GRID2: variants seen among roughly 807,000 people sequenced by gnomAD.
The protein encoded by GRID2 is glutamate ionotropic receptor delta type subunit 2, also known as glutamate receptor ionotropic, delta-2.
In GRID2, 33 loss-of-function variants were observed where a neutral mutation model predicts 114.8. The ratio of observed to expected loss-of-function variants is 0.29; its 90% CI spans 0.22 to 0.38. The LOEUF (loss-of-function observed/expected upper bound fraction) is 0.38, where lower values mean the gene tolerates loss of function less well. Ranked by LOEUF, GRID2 falls within the 10% of genes least tolerant of loss-of-function variation. The probability of loss-of-function intolerance (pLI) is 1.00; values close to 1 mark genes in which losing one functional copy is unlikely to be tolerated. For synonymous variants in GRID2, 505 were observed against 449.9 expected (o/e 1.12, Z -1.55); for missense variants, 1,184 against 1,257.7 (o/e 0.94, Z 0.89).
In GRID2 at chr4:93,404,360, C is replaced by T. The variant is rs147962151; in HGVS notation, c.1347+8652C>T. On this transcript the variant is annotated intron_variant, in intron 9 of 15. Coordinates refer to ENST00000282020, the MANE Select transcript of GRID2 (RefSeq NM_001510.4). ...AATATACTAAAGCTATTGGATTGTG[C>T]ACTTTGGATGGGTGAATTGTATATT... Among the ~76,000 whole-genome samples, 458 of 152,110 alleles carry T rather than the reference C, an allele frequency of 3.0e-3. 2 individuals are homozygous for T. Among genetic ancestry groups the T allele is most frequent in the African/African-American group, 0.011 (439 of 41,524 alleles).
chr4:92,578,856 A>G (rs1365333247), intron 1 of GRID2, among the ~76,000 whole-genome samples: 1 of 152,156 alleles, frequency 6.6e-6, no homozygotes, highest in Admixed American at 6.6e-5. Flanking sequence ...TTACTTCATC[A>G]TTAGATCACA....
At chr4:92,824,261 T>C (rs1741522248) in intron 2 of GRID2, among the ~76,000 whole-genome samples, 1 of 152,166 alleles carries the variant, frequency 6.6e-6, no homozygotes, top group African/African-American at 2.4e-5. Flanking sequence ...TTGGAGGTTA[T>C]TAAAATTTAT....
At chr4:93,490,813 G>A (rs747633601) in intron 12 of GRID2, 36 bp downstream of exon 12, 38 of 1,494,126 alleles carry the variant, frequency 2.5e-5, no homozygotes, top group Non-Finnish European at 3.2e-5. Context: ...CACAAAATAT[G>A]AGAAATGATA....
intron 1 of GRID2, among the ~76,000 whole-genome samples, chr4:92,544,457 G>A (rs1465274306): frequency 6.6e-6 from 1 of 152,018 alleles, no homozygotes; most frequent in South Asian, 2.1e-4. Flanking sequence ...ATGTGGTTGC[G>A]CCAGAGCATT....
At chr4:92,479,042 C>T (rs1423982603) in intron 1 of GRID2, among the ~76,000 whole-genome samples, 1 of 151,968 alleles carries the variant, frequency 6.6e-6, no homozygotes. Flanking sequence ...AAATTCGTTA[C>T]AGTGAGAATA....
chr4:93,476,552 T>G (rs1725338197), intron 11 of GRID2, among the ~76,000 whole-genome samples: 1 of 152,166 alleles, frequency 6.6e-6, no homozygotes, highest in Non-Finnish European at 1.5e-5. Flanking sequence ...ATAAAATATC[T>G]AGCATATCTA....
intron 14 of GRID2, among the ~76,000 whole-genome samples, chr4:93,646,894 C>A (rs1722161926): frequency 6.6e-6 from 1 of 152,170 alleles, no homozygotes; most frequent in Non-Finnish European, 1.5e-5. Flanking sequence ...ATTAACTGAA[C>A]TGGTCAAGCA....
chr4:92,490,219 A>G (rs1403016169), intron 1 of GRID2, among the ~76,000 whole-genome samples: 1 of 152,208 alleles, frequency 6.6e-6, no homozygotes, highest in Non-Finnish European at 1.5e-5. Flanking sequence ...ATATGGAAAT[A>G]TAATCTGCCT....
chr4:93,411,381 C>T (rs1294734711), intron 9 of GRID2, among the ~76,000 whole-genome samples: 4 of 151,748 alleles, frequency 2.6e-5, no homozygotes, highest in East Asian at 3.9e-4. Flanking sequence ...TAGCTTTGTA[C>T]ATTTTCTTCC....
intron 2 of GRID2, among the ~76,000 whole-genome samples, chr4:92,666,004 CT>C (rs1732755183): frequency 6.6e-6 from 1 of 151,360 alleles, no homozygotes; most frequent in South Asian, 2.1e-4. Flanking sequence ...AATATTTTCT[CT>C]GCCTCTTTCA....
At chr4:92,411,745 G>A (rs1027381274) in intron 1 of GRID2, among the ~76,000 whole-genome samples, 3 of 147,012 alleles carry the variant, frequency 2.0e-5, no homozygotes, top group Non-Finnish European at 3.0e-5. Flanking sequence ...TCGCTCTGTC[G>A]CCCAGGCTGG....
chr4:92,655,925 G>T (rs1272349443), intron 2 of GRID2, among the ~76,000 whole-genome samples: 2 of 151,582 alleles, frequency 1.3e-5, no homozygotes, highest in African/African-American at 4.8e-5. Flanking sequence ...GTTGAAAATA[G>T]ACATCCTTGT....
At chr4:92,435,539 T>C (rs62312194) in intron 1 of GRID2, among the ~76,000 whole-genome samples, 21,443 of 152,186 alleles carry the variant, frequency 0.14, 1,845 homozygotes, top group South Asian at 0.21. Flanking sequence ...CTGTCTGGAA[T>C]ACAATAAACC....
intron 2 of GRID2, among the ~76,000 whole-genome samples, chr4:92,610,228 G>T (rs187114773): frequency 1.3e-4 from 20 of 151,624 alleles, no homozygotes; most frequent in African/African-American, 4.6e-4. Context: ...TGGGACCCAG[G>T]TTTTACCAGG....
intron 8 of GRID2, among the ~76,000 whole-genome samples, chr4:93,249,098 A>T (rs1748532157): frequency 6.6e-6 from 1 of 152,194 alleles, no homozygotes; most frequent in Non-Finnish European, 1.5e-5. Context: ...ATGGCTAGCC[A>T]GTTTTCCCAA....
At chr4:93,626,722 C>A (rs1472661279) in intron 14 of GRID2, among the ~76,000 whole-genome samples, 2 of 152,156 alleles carry the variant, frequency 1.3e-5, no homozygotes, top group Non-Finnish European at 2.9e-5. Context: ...TTAGTAATTT[C>A]TATTAGAATT....
rs528766267 is a variant in GRID2, at chr4:93,077,578, T to C, written c.245-7417T>C. Among the ~76,000 whole-genome samples the C allele has an allele frequency of 2.0e-3, 306 of 152,332 alleles. 2 individuals carry two copies. Among genetic ancestry groups the C allele is most frequent in the African/African-American group, 7.2e-3 (301 of 41,582 alleles). On this transcript the variant is annotated intron_variant, in intron 2 of 15. Coordinates refer to ENST00000282020, the MANE Select transcript of GRID2 (RefSeq NM_001510.4). The stretch of plus-strand genomic sequence containing the variant: ...TTTTAAAGACAGACATATAATATGA[T>C]CTGATTATCATTCTTGCCACAATTA...
intron 1 of GRID2, among the ~76,000 whole-genome samples, chr4:92,511,313 A>G (rs962994794): frequency 6.6e-6 from 1 of 151,800 alleles, no homozygotes; most frequent in African/African-American, 2.4e-5. Context: ...GTGAGAACAC[A>G]CTTATCACCA....
rs564993283 is a variant in GRID2, at chr4:92,979,532, A to G, written c.245-105463A>G. Among the ~76,000 whole-genome samples the G allele has an allele frequency of 2.0e-5, 3 of 152,222 alleles. No individual in the cohort carries two copies. The East Asian group carries it at 5.8e-4, about 30-fold the overall frequency. On this transcript the variant is annotated intron_variant, in intron 2 of 15. Transcript: ENST00000282020. Reference sequence around the variant, plus strand: ...CCCACATAATTTGAATGCATGCTGAAGTTTGCAAAATGCTGCTGTATATAT... The same window carrying G: ...CCCACATAATTTGAATGCATGCTGAGGTTTGCAAAATGCTGCTGTATATAT...
Sources: gnomAD v4.1 joint callset for allele counts (sites outside exome capture counted in the v4.1 genomes callset) on GRCh38, gnomAD v4.1.1 for gene constraint, MANE v1.5 for transcripts, NCBI Gene and HGNC (gene_info 2026-07-23, HGNC 2026-07-21) for gene names.